Variants in SATB1 observed in about 807,000 individuals in gnomAD.
The protein encoded by SATB1 is DNA-binding protein SATB1.
A neutral mutation model predicts 86.9 loss-of-function variants in SATB1; 11 were observed. The ratio of observed to expected loss-of-function variants is 0.13; its 90% CI spans 0.08 to 0.21. The LOEUF (loss-of-function observed/expected upper bound fraction) is 0.21. SATB1 is among the 10% of genes least tolerant of loss of function. SATB1 has a pLI of 1.00. For missense variants in SATB1, 551 were observed against 937.6 expected (o/e 0.59, Z 5.39); for synonymous variants, 357 against 357.2 (o/e 1.00, Z 0.01).
intron 5 of SATB1, among the ~76,000 whole-genome samples, chr3:18,408,449 T>A (rs1160206237): frequency 1.3e-5 from 2 of 152,008 alleles, no homozygotes. Context: ...AGAATCATTT[T>A]AAAAATGCTA....
At chr3:18,367,036 A>C (rs1346783731) in intron 9 of SATB1, among the ~76,000 whole-genome samples, 1 of 152,198 alleles carries the variant, frequency 6.6e-6, no homozygotes, top group Admixed American at 6.5e-5. Context: ...CGTTAGATAT[A>C]ATATGACCTA....
rs1698498082 is a variant in SATB1, at chr3:18,423,628, A to C, written c.-26T>G. 6.6e-6 allele frequency: 1 copy of C among 151,986 alleles called. No homozygotes were observed. The allele number at this position is 151,986 out of a possible 1,614,324, so 9.4% of individuals were successfully genotyped here. A position where few individuals can be genotyped will look rare whatever the true frequency, so the allele number is the denominator to read the frequency against. On this transcript the variant is annotated splice_region_variant and 5_prime_UTR_variant, in exon 1 of 11. Coordinates refer to ENST00000338745, the MANE Select transcript of SATB1 (RefSeq NM_002971.6). ...TAGCAAAACCGACCTGAAACTCACCACTTCAAAACTTGACAGCACATAAAT... is the reference window on the plus strand; with the variant it reads ...TAGCAAAACCGACCTGAAACTCACCCCTTCAAAACTTGACAGCACATAAAT...
chr3:18,352,562 G>A lies in SATB1; in HGVS notation c.1576-367C>T, dbSNP rs536286431. 1.1e-3 allele frequency: 246 copies of A among 221,354 alleles called. 3 individuals carry two copies. Among genetic ancestry groups the A allele is most frequent in the Non-Finnish European group, 1.8e-3 (201 of 109,240 alleles). The allele number at this position is 221,354 out of a possible 1,614,324, so 13.7% of individuals were successfully genotyped here. A position where few individuals can be genotyped will look rare whatever the true frequency, so the allele number is the denominator to read the frequency against. ...CGAGTGGCTGGCCATCTGAGGATAC[G>A]GAAGTGCCTAAGAGGCAGGACAGAT... On this transcript the variant is annotated intron_variant, in intron 9 of 10. Coordinates refer to ENST00000338745, the MANE Select transcript of SATB1 (RefSeq NM_002971.6). This position sits in a 1 kb window ranked among gnomAD's most constrained non-coding sequence, Gnocchi z 4.1.
At chr3:18,361,801 T>C (rs968579031) in intron 9 of SATB1, among the ~76,000 whole-genome samples, 5 of 152,212 alleles carry the variant, frequency 3.3e-5, no homozygotes, top group African/African-American at 1.2e-4. Flanking sequence ...TACATCTCAG[T>C]GGGGAATTAA....
At chr3:18,445,300 CGCCGCCGCT>C (rs1205909389) in intron 1 of SATB1, 2 of 985,416 alleles carry the variant, frequency 2.0e-6, no homozygotes, top group Non-Finnish European at 2.4e-6. Context: ...CCGCCGCCGC[CGCCGCCGCT>C]GCTGCGCACC....
intron 2 of SATB1, among the ~76,000 whole-genome samples, chr3:18,419,058 T>C (rs1032077067): frequency 3.9e-5 from 6 of 152,232 alleles, no homozygotes; most frequent in African/African-American, 1.4e-4. Context: ...TCCTTAGATC[T>C]ATGAAATAAC....
At chr3:18,435,751 A>C (rs1699036782) in intron 2 of SATB1, among the ~76,000 whole-genome samples, 1 of 152,162 alleles carries the variant, frequency 6.6e-6, no homozygotes, top group Admixed American at 6.5e-5. Flanking sequence ...GCCTGGAAAA[A>C]TGAGTTTGCT....
At chr3:18,441,995 G>A (rs529061622), upstream of SATB1, among the ~76,000 whole-genome samples, 1 of 152,152 alleles carries the variant, frequency 6.6e-6, no homozygotes, top group South Asian at 2.1e-4. Flanking sequence ...ATCAACCAAA[G>A]AATATATTAA....
chr3:18,388,604 G>GTCTC (rs1696467571), intron 7 of SATB1, among the ~76,000 whole-genome samples: 1 of 152,046 alleles, frequency 6.6e-6, no homozygotes, highest in Non-Finnish European at 1.5e-5. Context: ...AGACCACAAT[G>GTCTC]GAGAAAACAA....
chr3:18,362,777 TA>T (rs561103586), intron 9 of SATB1, among the ~76,000 whole-genome samples: 43 of 133,632 alleles, frequency 3.2e-4, no homozygotes, highest in Non-Finnish European at 5.4e-4. Context: ...AAGTCACTAT[TA>T]AAAATTTATA....
chr3:18,442,766 T>C (rs1699274277), upstream of SATB1, among the ~76,000 whole-genome samples: 1 of 152,222 alleles, frequency 6.6e-6, no homozygotes, highest in African/African-American at 2.4e-5. Context: ...TATATTAAAT[T>C]TGTTTCACAA....
intron 1 of SATB1, chr3:18,421,438 GT>G (rs1220271834): frequency 1.3e-5 from 2 of 158,718 alleles, no homozygotes; most frequent in African/African-American, 2.4e-5. Context: ...TAATGTATAT[GT>G]TTTATATGTA....
At chr3:18,361,896 T>C (rs987366833) in intron 9 of SATB1, among the ~76,000 whole-genome samples, 1 of 152,164 alleles carries the variant, frequency 6.6e-6, no homozygotes, top group South Asian at 2.1e-4. Context: ...TGTGTGTGTA[T>C]GTATAAAGGG....
At chr3:18,388,168 G>A (rs1333307137) in intron 7 of SATB1, among the ~76,000 whole-genome samples, 1 of 152,104 alleles carries the variant, frequency 6.6e-6, no homozygotes, top group Admixed American at 6.5e-5. Context: ...GAGTAATGCT[G>A]TAACTGTGTC....
chr3:18,443,606 C>T (rs1414858855), upstream of SATB1, among the ~76,000 whole-genome samples: 3 of 152,174 alleles, frequency 2.0e-5, no homozygotes, highest in Middle Eastern at 3.2e-3. The surrounding 1 kb of genome is among the most constrained non-coding windows in gnomAD (Gnocchi z 4.4). Flanking sequence ...CTGAGGTCAT[C>T]CCAAGAGGAA....
intron 9 of SATB1, among the ~76,000 whole-genome samples, chr3:18,376,819 G>A (rs1695782044): frequency 6.6e-6 from 1 of 152,166 alleles, no homozygotes; most frequent in Admixed American, 6.5e-5. Context: ...ATGACACGCT[G>A]AGTACAGCAC....
chr3:18,427,455 G>T (rs898152853), upstream of SATB1, among the ~76,000 whole-genome samples: 1 of 152,132 alleles, frequency 6.6e-6, no homozygotes, highest in Non-Finnish European at 1.5e-5. Context: ...TTTTATAAAA[G>T]AAAAGAAAGC....
rs889956330 is a variant in SATB1 at position 18,346,712 on chromosome 3, CAA to C, written c.*2456_*2457del. On this transcript the variant is annotated 3_prime_UTR_variant, in exon 11 of 11. Coordinates refer to ENST00000338745, the MANE Select transcript of SATB1 (RefSeq NM_002971.6). The stretch of plus-strand genomic sequence containing the variant: ...TAGCATTGTTATGTTGATTACCAAA[CAA>C]ACATTCAAACATTCATCATTTCACT... 5.5e-4 allele frequency: 83 copies of C among 151,826 alleles called. No individual in the cohort carries two copies. The highest frequency in any genetic ancestry group is 2.0e-3 in the African/African-American group (82 of 41,484). 9.4% of individuals were successfully genotyped at this position (151,826 alleles called of 1,614,324 possible).
chr3:18,364,777 G>C (rs1464671399), intron 9 of SATB1, among the ~76,000 whole-genome samples: 1 of 151,668 alleles, frequency 6.6e-6, no homozygotes, highest in Non-Finnish European at 1.5e-5. Context: ...TACTGTTCCA[G>C]AACTATCTCC....
Sources: allele counts gnomAD v4.1 joint callset (sites outside exome capture counted in the v4.1 genomes callset), GRCh38; gene constraint gnomAD v4.1.1; non-coding constraint Gnocchi (gnomAD v3.1); transcripts MANE v1.5; gene names NCBI Gene and HGNC (gene_info 2026-07-23, HGNC 2026-07-21).